The following DMGDH variants were observed in gnomAD, a reference collection of about 807,000 sequenced individuals.
DMGDH encodes dimethylglycine dehydrogenase, also known as dimethylglycine dehydrogenase, mitochondrial.
DMGDH carries 76 observed loss-of-function variants against 95.2 expected under a neutral mutation model. That is an observed-to-expected ratio of 0.80 (90% confidence interval 0.66 to 0.97). The LOEUF is 0.97. DMGDH is among the 50% of genes least tolerant of loss of function. DMGDH has a pLI of 0.00. For synonymous variants in DMGDH, 345 were observed against 377.6 expected, an observed-to-expected ratio of 0.91 and a Z score of 1.00; for missense variants, 987 against 1,055.0, an observed-to-expected ratio of 0.94 and a Z score of 0.89.
chr5:78,997,622 C>T lies in DMGDH; in HGVS notation c.*460G>A. 1 of 165,064 alleles carries T rather than the reference C, an allele frequency of 6.1e-6. No homozygotes were observed. Among genetic ancestry groups the T allele is most frequent in the Non-Finnish European group, 1.3e-5 (1 of 75,622 alleles). 10.2% of individuals were successfully genotyped at this position (165,064 alleles called of 1,614,324 possible). On this transcript the variant is annotated 3_prime_UTR_variant, in exon 16 of 16. Transcript: ENST00000255189. ...ACAGATATATCATGAAAAATTAAAA[C>T]TTTCATTTATTCATCTAAGGAAAGA...
At chr5:79,028,328 ACACT>A (rs1580198180) in intron 12 of DMGDH, 101 bp downstream of exon 12, 5 of 993,484 alleles carry the variant, frequency 5.0e-6, no homozygotes, top group African/African-American at 3.3e-5. Context: ...ACATGCATAC[ACACT>A]CACACATTTC....
At chr5:79,025,704 C>A (rs1185901573) in intron 13 of DMGDH, among the ~76,000 whole-genome samples, 1 of 152,148 alleles carries the variant, frequency 6.6e-6, no homozygotes, top group African/African-American at 2.4e-5. Flanking sequence ...CTTATCTTAC[C>A]TTTCAGGTCT....
At chr5:79,042,778 A>T (rs1381006588) in intron 6 of DMGDH, among the ~76,000 whole-genome samples, 11 of 33,566 alleles carry the variant, frequency 3.3e-4, no homozygotes, top group Non-Finnish European at 5.8e-4. Flanking sequence ...TTTTTTTTAA[A>T]AAAAAACTAT....
chr5:79,060,511 G>C (rs1458331051), intron 2 of DMGDH, among the ~76,000 whole-genome samples: 1 of 152,120 alleles, frequency 6.6e-6, no homozygotes, highest in Non-Finnish European at 1.5e-5. Flanking sequence ...TTCTCTCATG[G>C]AGCACATATC....
intron 5 of DMGDH, among the ~76,000 whole-genome samples, chr5:79,046,164 G>T (rs1033000519): frequency 3.3e-5 from 5 of 152,190 alleles, no homozygotes; most frequent in African/African-American, 1.2e-4. Context: ...TTGGCTCACT[G>T]CAACATCTGC....
intron 14 of DMGDH, among the ~76,000 whole-genome samples, chr5:79,010,601 T>C (rs1244508299): frequency 6.6e-6 from 1 of 152,214 alleles, no homozygotes; most frequent in African/African-American, 2.4e-5. Context: ...AATTGAGTCA[T>C]ATTCTTCCTT....
At chr5:79,034,828 C>G (rs1281301900) in intron 7 of DMGDH, among the ~76,000 whole-genome samples, 1 of 151,944 alleles carries the variant, frequency 6.6e-6, no homozygotes, top group Non-Finnish European at 1.5e-5. Context: ...GAGGCCGAGA[C>G]GGGCGGATCA....
chr5:79,032,812 A>C lies in DMGDH; in HGVS notation c.1392T>G (p.Ala464=), dbSNP rs1489986826. The C allele has an allele frequency of 6.2e-7, 1 of 1,614,212 alleles. No homozygotes were observed. The highest frequency in any genetic ancestry group is 1.3e-5 in the African/African-American group (1 of 75,046). ...CACTGACTCGTTGAGTCGGCCTCCC[A>C]GCAAACCGTTCTTCTTTAGGATAAC... ...IVGYPKEERF[A]GRPTQRVSGL... The change falls in exon 9 of 16, where the codon GCT becomes GCG. Residue 464 remains alanine, a synonymous_variant. Transcript: ENST00000255189.
chr5:79,036,414 G>C (rs1017781423), intron 7 of DMGDH, among the ~76,000 whole-genome samples: 2 of 152,088 alleles, frequency 1.3e-5, no homozygotes, highest in African/African-American at 2.4e-5. Flanking sequence ...TAAATGACTG[G>C]ATGTTACATC....
intron 14 of DMGDH, among the ~76,000 whole-genome samples, chr5:79,013,146 C>T (rs1753674409): frequency 6.6e-6 from 1 of 152,098 alleles, no homozygotes; most frequent in African/African-American, 2.4e-5. Context: ...CACACATGAG[C>T]ATTGACTGTC....
intron 2 of DMGDH, among the ~76,000 whole-genome samples, chr5:79,058,511 C>A (rs16876442): frequency 0.061 from 9,339 of 152,036 alleles, 608 homozygotes; most frequent in African/African-American, 0.15. Context: ...ATACAGGAAA[C>A]AATTAAATCA....
At chr5:78,999,590 C>T (rs1753418828) in intron 15 of DMGDH, among the ~76,000 whole-genome samples, 1 of 152,208 alleles carries the variant, frequency 6.6e-6, no homozygotes, top group Non-Finnish European at 1.5e-5. Flanking sequence ...GCCTTGGCCT[C>T]CCAAAGTGCT....
At position 79,042,333 on chromosome 5, in the gene DMGDH, CA is replaced by C; in HGVS notation, c.1142del (p.Met381ArgfsTer15). 1.2e-6 allele frequency: 2 copies of C among 1,614,186 alleles called. No individual in the cohort carries two copies. Among genetic ancestry groups the C allele is most frequent in the East Asian group, 2.2e-5 (1 of 44,884 alleles). Reference sequence around the variant, plus strand: ...TTCTGACCCCCTGATGGGGCCCCACCATAGGCAGAATGTCAGGAGAATACGT... The same window carrying C: ...TTCTGACCCCCTGATGGGGCCCCACCTAGGCAGAATGTCAGGAGAATACGT... ...PITYSPDILP[M>X]VGPHQGVRNY... On this transcript the variant is annotated frameshift_variant, in exon 7 of 16. Coordinates refer to ENST00000255189, the MANE Select transcript of DMGDH (RefSeq NM_013391.3). LOFTEE classifies it high-confidence loss of function.
At chr5:79,009,244 T>G (rs1753599939) in intron 14 of DMGDH, among the ~76,000 whole-genome samples, 1 of 152,160 alleles carries the variant, frequency 6.6e-6, no homozygotes, top group Non-Finnish European at 1.5e-5. Context: ...AGGAATTAGG[T>G]CTTTTCAGTA....
At position 79,069,550 on chromosome 5, in the gene DMGDH, C is replaced by A; in HGVS notation, c.71G>T (p.Gly24Val). ...LRSCPLQGSPGRPRSVCGREG... is the reference protein window; with the variant it reads ...LRSCPLQGSPVRPRSVCGREG... ...CCGGCCGCAGACAGAGCGCGGGCGC[C>A]CGGGGGAGCCCTGCAGCGGGCAGCT... Residue 24 changes from glycine (G) to valine (V), a missense_variant, in exon 1 of 16, where the codon GGG becomes GTG. By Grantham distance (109) the Gly-to-Val change is moderately radical. Transcript: ENST00000255189. 7.6e-7 allele frequency: 1 copy of A among 1,317,892 alleles called. No homozygotes were observed. Among genetic ancestry groups the A allele is most frequent in the South Asian group, 2.2e-5 (1 of 45,982 alleles). The allele number at this position is 1,317,892 out of a possible 1,614,324, so 81.6% of individuals were successfully genotyped here.
At chr5:79,024,160 C>G (rs1159101061) in intron 14 of DMGDH, 111 bp downstream of exon 14, 1 of 951,584 alleles carries the variant, frequency 1.1e-6, no homozygotes, top group South Asian at 1.4e-5. Context: ...TTATGTTCAC[C>G]TTGTTTCTCC....
In DMGDH at chr5:79,069,629, C is replaced by T. The variant is rs766601673; in HGVS notation, c.-9G>A. 1 of 1,362,114 alleles carries T rather than the reference C, an allele frequency of 7.3e-7. No individual in the cohort carries two copies. 84.4% of individuals were successfully genotyped at this position (1,362,114 alleles called of 1,614,324 possible). ...GCGCCGGGACGGAGCATGACTAGGCCGAGGCCGAGGGCGCAGGCGCCTGCT... is the reference window on the plus strand; with the variant it reads ...GCGCCGGGACGGAGCATGACTAGGCTGAGGCCGAGGGCGCAGGCGCCTGCT... On this transcript the variant is annotated 5_prime_UTR_variant, in exon 1 of 16. Transcript: ENST00000255189.
chr5:79,029,067 C>T (rs2112623903), intron 11 of DMGDH, among the ~76,000 whole-genome samples: 1 of 152,338 alleles, frequency 6.6e-6, no homozygotes. Context: ...TGCCACAAGA[C>T]ACGTAATTGC....
rs544859500 is a variant in DMGDH, at chr5:79,049,999, GT to G, written c.745+1287del. ...CGGCTGGACGCAGTGGCGCACGCCT[GT>G]AATCCTAGCACTTTGGGAGGCCGAG... On this transcript the variant is annotated intron_variant, in intron 5 of 15. Transcript: ENST00000255189. 1.4e-4 allele frequency among the ~76,000 whole-genome samples: 21 copies of G among 152,162 alleles called. 1 individual carries two copies. In the South Asian group the frequency reaches 3.9e-3, roughly 29 times the overall value.
Sources: gnomAD v4.1 joint callset for allele counts (sites outside exome capture counted in the v4.1 genomes callset) on GRCh38, gnomAD v4.1.1 for gene constraint, MANE v1.5 for transcripts, NCBI Gene and HGNC (gene_info 2026-07-23, HGNC 2026-07-21) for gene names.